Variants in RORB observed in about 807,000 individuals in gnomAD.
RORB encodes the protein RAR related orphan receptor B.
A neutral mutation model predicts 59.1 loss-of-function variants in RORB; 6 were observed. That is an observed-to-expected ratio of 0.10 (90% confidence interval 0.06 to 0.20). The LOEUF (loss-of-function observed/expected upper bound fraction) is 0.20, where lower values mean the gene tolerates loss of function less well. RORB is among the 10% of genes least tolerant of loss of function. RORB has a pLI of 1.00. For synonymous variants in RORB, 215 were observed against 204.5 expected, an observed-to-expected ratio of 1.05 and a Z score of -0.44; for missense variants, 320 against 560.5, an observed-to-expected ratio of 0.57 and a Z score of 4.33.
chr9:74,635,236 T>A (rs1823681919), intron 3 of RORB, among the ~76,000 whole-genome samples: 1 of 152,184 alleles, frequency 6.6e-6, no homozygotes, highest in African/African-American at 2.4e-5. Flanking sequence ...CTGGAAGTCC[T>A]GCTGGCTGGT....
At chr9:74,638,346 A>G (rs1823738720) in intron 3 of RORB, among the ~76,000 whole-genome samples, 1 of 152,190 alleles carries the variant, frequency 6.6e-6, no homozygotes, top group South Asian at 2.1e-4. Flanking sequence ...ATATAAAATG[A>G]TTTCCGATAC....
chr9:74,615,651 A>C (rs1241771049), intron 1 of RORB: 2 of 453,076 alleles, frequency 4.4e-6, no homozygotes, highest in South Asian at 1.6e-5. Context: ...TGAGTTTTAC[A>C]TTTTCTTCTC....
intron 3 of RORB, among the ~76,000 whole-genome samples, chr9:74,640,331 C>T (rs1446070684): frequency 6.6e-6 from 1 of 152,078 alleles, no homozygotes. Flanking sequence ...GTTTCTGCCT[C>T]CTGGGTTCAA....
At chr9:74,608,336 CG>C (rs750895185) in intron 1 of RORB, among the ~76,000 whole-genome samples, 3 of 152,072 alleles carry the variant, frequency 2.0e-5, no homozygotes, top group Middle Eastern at 3.4e-3. Flanking sequence ...GAGGCCGAGG[CG>C]GGCGGATCAT....
intron 1 of RORB, among the ~76,000 whole-genome samples, chr9:74,592,752 GA>G (rs1007214213): frequency 6.6e-5 from 10 of 152,086 alleles, no homozygotes; most frequent in African/African-American, 2.4e-4. Context: ...AAACCAAAAA[GA>G]AAAAACAGTC....
intron 6 of RORB, 32 bp from the exon 7 acceptor site, chr9:74,665,451 TTTTTA>T: frequency 1.5e-6 from 2 of 1,335,224 alleles, no homozygotes; most frequent in South Asian, 1.4e-5. Context: ...TATATGTGTA[TTTTTA>T]TTTTATTTTT....
intron 9 of RORB, among the ~76,000 whole-genome samples, chr9:74,675,322 T>C (rs1198296700): frequency 2.0e-5 from 3 of 149,948 alleles, no homozygotes; most frequent in Admixed American, 6.7e-5. Flanking sequence ...TACATACATA[T>C]ATATATATAT....
chr9:74,679,146 C>A lies in RORB; in HGVS notation c.1225-6317C>A, dbSNP rs553652637. Among the ~76,000 whole-genome samples the A allele has an allele frequency of 2.1e-3, 325 of 151,974 alleles. 2 individuals are homozygous for A. Among genetic ancestry groups the A allele is most frequent in the African/African-American group, 7.5e-3 (312 of 41,444 alleles). On this transcript the variant is annotated intron_variant, in intron 9 of 9. Transcript: ENST00000376896. The stretch of plus-strand genomic sequence containing the variant: ...GCAGGTGGGACTAGAGATTTGGGTT[C>A]ACTTTCATCTTAAATAGCACAGTCT...
At chr9:74,637,655 T>C (rs978766891) in intron 3 of RORB, among the ~76,000 whole-genome samples, 2 of 152,140 alleles carry the variant, frequency 1.3e-5, no homozygotes, top group African/African-American at 4.8e-5. Flanking sequence ...TGTGCTACTA[T>C]AAATTGATAC....
In RORB at chr9:74,610,026, G is replaced by A. The variant is rs929457600; in HGVS notation, c.8-20256G>A. Among the ~76,000 whole-genome samples the A allele has an allele frequency of 1.3e-5, 2 of 152,182 alleles. 1 individual carries two copies. The highest frequency in any genetic ancestry group is 4.8e-5 in the African/African-American group (2 of 41,442). ...AGAACCTGCCTTTTGGCATTTCTCT[G>A]TACTTCTGTACTACTGAATTTGGGC... On this transcript the variant is annotated intron_variant, in intron 1 of 9. Coordinates refer to ENST00000376896, the MANE Select transcript of RORB (RefSeq NM_006914.4).
chr9:74,544,319 C>T (rs1164320557), intron 1 of RORB, among the ~76,000 whole-genome samples: 3 of 152,174 alleles, frequency 2.0e-5, no homozygotes, highest in Admixed American at 6.5e-5. Flanking sequence ...CTCACACACA[C>T]GCAAAGACTG....
At chr9:74,499,898 T>C (rs1244863979) in intron 1 of RORB, among the ~76,000 whole-genome samples, 1 of 152,068 alleles carries the variant, frequency 6.6e-6, no homozygotes, top group Non-Finnish European at 1.5e-5. Context: ...ACCTAGGGCA[T>C]AAAATCCGCT....
intron 1 of RORB, among the ~76,000 whole-genome samples, chr9:74,582,714 T>A (rs1822741934): frequency 6.6e-6 from 1 of 152,102 alleles, no homozygotes; most frequent in Non-Finnish European, 1.5e-5. Flanking sequence ...TACTTACTAG[T>A]TCACCTCAGC....
intron 9 of RORB, among the ~76,000 whole-genome samples, chr9:74,673,664 G>A (rs531091079): frequency 3.7e-4 from 56 of 152,204 alleles, no homozygotes; most frequent in African/African-American, 1.3e-3. Flanking sequence ...AGGCAAGAAA[G>A]AAAATTATGT....
chr9:74,517,120 T>C (rs1028456402), intron 1 of RORB, among the ~76,000 whole-genome samples: 5 of 152,014 alleles, frequency 3.3e-5, no homozygotes, highest in African/African-American at 1.2e-4. Context: ...AAATATGCTT[T>C]CTATTAGAAA....
chr9:74,568,424 G>A (rs562512831), intron 1 of RORB, among the ~76,000 whole-genome samples: 3 of 151,854 alleles, frequency 2.0e-5, no homozygotes, highest in South Asian at 2.1e-4. Context: ...AACCGGAGCC[G>A]GGCACGGTGG....
intron 1 of RORB, among the ~76,000 whole-genome samples, chr9:74,524,245 G>A (rs1028517330): frequency 6.6e-6 from 1 of 151,632 alleles, no homozygotes; most frequent in African/African-American, 2.4e-5. Flanking sequence ...GGAAAGGCTT[G>A]AAGAAAAGTG....
At chr9:74,555,641 G>A (rs1822277217) in intron 1 of RORB, among the ~76,000 whole-genome samples, 1 of 152,162 alleles carries the variant, frequency 6.6e-6, no homozygotes, top group African/African-American at 2.4e-5. Flanking sequence ...AAGAACGTAG[G>A]TCTTGGATGG....
chr9:74,606,029 A>G (rs1051042468), intron 1 of RORB, among the ~76,000 whole-genome samples: 2 of 152,202 alleles, frequency 1.3e-5, no homozygotes, highest in African/African-American at 4.8e-5. Flanking sequence ...TCGCCAATCT[A>G]AAGTTCCATT....
Sources: allele counts gnomAD v4.1 joint callset (sites outside exome capture counted in the v4.1 genomes callset), GRCh38; gene constraint gnomAD v4.1.1; transcripts MANE v1.5; gene names NCBI Gene and HGNC (gene_info 2026-07-23, HGNC 2026-07-21).